Variants in SORL1 observed in about 807,000 individuals in gnomAD.
SORL1 encodes the protein sortilin related receptor 1.
Under a neutral mutation model 273.7 loss-of-function variants are expected in SORL1, and 127 were observed. The ratio of observed to expected loss-of-function variants is 0.46; its 90% confidence interval spans 0.40 to 0.54. The LOEUF (loss-of-function observed/expected upper bound fraction) is 0.54. Ranked by LOEUF, SORL1 falls within the 20% of genes least tolerant of loss-of-function variation. SORL1 has a pLI of 0.00. For synonymous variants in SORL1, 1,031 were observed against 1,067.4 expected (o/e 0.97, Z 0.66); for missense variants, 2,494 against 2,846.1 (o/e 0.88, Z 2.81).
At chr11:121,561,337 G>A (rs543249019) in intron 21 of SORL1, among the ~76,000 whole-genome samples, 2 of 152,348 alleles carry the variant, frequency 1.3e-5, no homozygotes, top group East Asian at 3.9e-4. Context: ...CTGAGGAGCA[G>A]TGCGGGAGGA....
Position 121,618,873 on chromosome 11 carries a change from G to A in SORL1, c.5704G>A (p.Asp1902Asn), listed in dbSNP as rs774400327. 4 of 1,614,006 alleles carry A rather than the reference G, an allele frequency of 2.5e-6. No individual in the cohort carries two copies. Among genetic ancestry groups the A allele is most frequent in the Non-Finnish European group, 3.4e-6 (4 of 1,180,004 alleles). ...CAACAAGACGGTCATTGTCAGTAAGGATGAGCAGTATTTGTTTCTGGTAAG... is the reference window on the plus strand; with the variant it reads ...CAACAAGACGGTCATTGTCAGTAAGAATGAGCAGTATTTGTTTCTGGTAAG... Reference protein sequence around the residue: ...LHNKTVIVSKDEQYLFLVRVV... With the variant: ...LHNKTVIVSKNEQYLFLVRVV... The change falls in exon 42 of 48, where the codon GAT (aspartate) becomes AAT (asparagine). Residue 1902 changes from aspartate (D) to asparagine (N), a missense_variant. Asp to Asn is a conservative substitution (Grantham distance 23). Transcript: ENST00000260197.
chr11:121,605,195 C>G lies in SORL1; in HGVS notation c.4734C>G (p.Pro1578=). 1 of 1,612,072 alleles carries G rather than the reference C, an allele frequency of 6.2e-7. No homozygotes were observed. Among genetic ancestry groups the G allele is most frequent in the South Asian group, 1.1e-5 (1 of 90,812 alleles). Residue 1578 remains proline, a synonymous_variant, in exon 34 of 48, where the codon CCC becomes CCG. Transcript: ENST00000260197. ...ATGTGACTTTGACCTGGATGAGGCC[C>G]AAAAAAATGCCCTCTGCTTCTTGTG... ...SGDVTLTWMR[P]KKMPSASCVY...
chr11:121,548,000 T>C (rs1862458977), intron 14 of SORL1, among the ~76,000 whole-genome samples: 1 of 152,196 alleles, frequency 6.6e-6, no homozygotes, highest in South Asian at 2.1e-4. Flanking sequence ...CCATGGTAGA[T>C]TCTTTTATGT....
At position 121,509,727 on chromosome 11, in the gene SORL1, G is replaced by C. The variant is rs184765729; in HGVS notation, c.940-3276G>C. ...CTTGACCTCGTGATCTGCCCACCTC[G>C]GCCTCCCAAAGTGCTGGGATTACAG... On this transcript the variant is annotated intron_variant, in intron 6 of 47. Transcript: ENST00000260197. 2.0e-3 allele frequency among the ~76,000 whole-genome samples: 309 copies of C among 151,994 alleles called. 4 individuals carry two copies. The highest frequency in any genetic ancestry group is 3.5e-3 in the Non-Finnish European group (241 of 67,982).
chr11:121,631,261 G>A lies in SORL1; in HGVS notation c.*1698G>A, dbSNP rs985667535. On this transcript the variant is annotated 3_prime_UTR_variant, in exon 48 of 48. Transcript: ENST00000260197. The stretch of plus-strand genomic sequence containing the variant: ...ACTTAGATGAGTATTTTAAGCTGTC[G>A]ACCTTTAGTTTGCCATACGGGTAGG... The A allele has an allele frequency of 1.3e-5, 2 of 151,992 alleles. No individual in the cohort carries two copies. The highest frequency in any genetic ancestry group is 2.4e-5 in the African/African-American group (1 of 41,392). 9.4% of individuals were successfully genotyped at this position (151,992 alleles called of 1,614,324 possible). A position where few individuals can be genotyped will look rare whatever the true frequency, so the allele number is the denominator to read the frequency against.
chr11:121,561,683 T>A (rs1862677747), intron 21 of SORL1, among the ~76,000 whole-genome samples: 3 of 103,326 alleles, frequency 2.9e-5, no homozygotes. Context: ...AGTGAGACCC[T>A]GTCACCGAAA....
Position 121,566,927 on chromosome 11 carries a change from G to A in SORL1, c.3050-13G>A, listed in dbSNP as rs369681056. 4.0e-5 allele frequency: 64 copies of A among 1,610,708 alleles called. No homozygotes were observed. Among genetic ancestry groups the A allele is most frequent in the Non-Finnish European group, 5.3e-5 (63 of 1,178,592 alleles). On this transcript the variant is annotated splice_polypyrimidine_tract_variant and intron_variant, in intron 21 of 47. Coordinates refer to ENST00000260197, the MANE Select transcript of SORL1 (RefSeq NM_003105.6). ...TGTATTAACCTACCTGCTGCTGTTT[G>A]TCTTCCCTCCAGGAAGCAATGCCTG...
rs1863846394 is a variant in SORL1, at chr11:121,629,620, T to C, written c.*57T>C. On this transcript the variant is annotated 3_prime_UTR_variant, in exon 48 of 48. Coordinates refer to ENST00000260197, the MANE Select transcript of SORL1 (RefSeq NM_003105.6). Reference sequence around the variant, plus strand: ...TAAATATTTTATTTGATAAAGATAGTTGATGGTTTATTTTAAAAGATGCAC... The same window carrying C: ...TAAATATTTTATTTGATAAAGATAGCTGATGGTTTATTTTAAAAGATGCAC... 1 of 872,022 alleles carries C rather than the reference T, an allele frequency of 1.1e-6. No homozygotes were observed. Among genetic ancestry groups the C allele is most frequent in the Admixed American group, 1.8e-5 (1 of 55,182 alleles). 54.0% of individuals were successfully genotyped at this position (872,022 alleles called of 1,614,324 possible). A position where few individuals can be genotyped will look rare whatever the true frequency, so the allele number is the denominator to read the frequency against.
At position 121,522,909 on chromosome 11, in the gene SORL1, A is replaced by G. The variant is rs184849815; in HGVS notation, c.1523-7A>G. 3 of 1,609,608 alleles carry G rather than the reference A, an allele frequency of 1.9e-6. No homozygotes were observed. The highest frequency in any genetic ancestry group is 2.2e-5 in the East Asian group (1 of 44,850). On this transcript the variant is annotated splice_polypyrimidine_tract_variant and splice_region_variant and intron_variant, in intron 10 of 47. Transcript: ENST00000260197. ...AATTAAAAATAATTATTTCTCTTGC[A>G]TTTTAGGCTCAGTGGGAAAGAACTT...
chr11:121,520,585 C>A, intron 8 of SORL1, 72 bp from the exon 9 acceptor site: 1 of 1,120,902 alleles, frequency 8.9e-7, no homozygotes, highest in South Asian at 1.7e-5. Flanking sequence ...TTTAAATGGT[C>A]AAATTTTATG....
intron 46 of SORL1, among the ~76,000 whole-genome samples, 191 bp downstream of exon 46, chr11:121,625,468 A>C (rs565646916): frequency 2.0e-5 from 3 of 152,352 alleles, no homozygotes; most frequent in Admixed American, 2.0e-4. Flanking sequence ...AACATGGTAC[A>C]GGAAGCTGAG....
At chr11:121,515,076 G>T (rs190789972) in intron 8 of SORL1, among the ~76,000 whole-genome samples, 6 of 152,204 alleles carry the variant, frequency 3.9e-5, no homozygotes, top group Non-Finnish European at 7.3e-5. Context: ...ATGACAACCA[G>T]GTCTGAGGGC....
At chr11:121,467,446 C>T (rs886236893) in intron 1 of SORL1, among the ~76,000 whole-genome samples, 8 of 152,276 alleles carry the variant, frequency 5.3e-5, no homozygotes, top group Admixed American at 2.6e-4. Context: ...CTGAGTGTTA[C>T]CTGCCAGAGG....
At chr11:121,598,888 G>T (rs527345218) in intron 32 of SORL1, among the ~76,000 whole-genome samples, 4 of 152,028 alleles carry the variant, frequency 2.6e-5, no homozygotes, top group Non-Finnish European at 5.9e-5. Flanking sequence ...CTTTTGTTTC[G>T]GCTGCCTGAA....
intron 32 of SORL1, among the ~76,000 whole-genome samples, chr11:121,598,816 C>T (rs567565072): frequency 2.6e-4 from 39 of 152,208 alleles, no homozygotes; most frequent in Non-Finnish European, 5.4e-4. Context: ...CTTGGCTTTT[C>T]GGAGGGGTCC....
At chr11:121,624,978 G>T in intron 45 of SORL1, 107 bp from the exon 46 acceptor site, 1 of 771,496 alleles carries the variant, frequency 1.3e-6, no homozygotes, top group Non-Finnish European at 2.1e-6. Flanking sequence ...GCGCTTTCGC[G>T]TCTGTAGCAG....
chr11:121,597,350 C>T (rs988967065), intron 32 of SORL1, among the ~76,000 whole-genome samples: 1 of 151,640 alleles, frequency 6.6e-6, no homozygotes. Context: ...TCATGCACAG[C>T]GTGGCAGGCA....
At chr11:121,620,515 T>C (rs1408477890) in intron 43 of SORL1, among the ~76,000 whole-genome samples, 1 of 152,166 alleles carries the variant, frequency 6.6e-6, no homozygotes, top group Non-Finnish European at 1.5e-5. Flanking sequence ...CCAGCGGTGG[T>C]TGGTTTAAAA....
At chr11:121,577,529 G>T in intron 25 of SORL1, 129 bp downstream of exon 25, 1 of 1,035,786 alleles carries the variant, frequency 9.7e-7, no homozygotes, top group Non-Finnish European at 1.3e-6. Context: ...CGAGTTTCAT[G>T]CTTCTCAAAG....
Sources: gnomAD v4.1 joint callset for allele counts (sites outside exome capture counted in the v4.1 genomes callset) on GRCh38, gnomAD v4.1.1 for gene constraint, MANE v1.5 for transcripts, NCBI Gene and HGNC (gene_info 2026-07-23, HGNC 2026-07-21) for gene names.